SH3TC1: variants seen among roughly 807,000 people sequenced by gnomAD.
The protein encoded by SH3TC1 is SH3 domain and tetratricopeptide repeats 1, also known as SH3 domain and tetratricopeptide repeat-containing protein 1.
In SH3TC1, 135 loss-of-function variants were observed where a neutral mutation model predicts 117.3. The observed-to-expected ratio is 1.15, with a 90% CI of 1.00 to 1.33. The LOEUF (loss-of-function observed/expected upper bound fraction) is 1.33. Ranked by LOEUF, SH3TC1 falls within the 40% of genes most tolerant of loss-of-function variation. The pLI is 0.00. For synonymous variants in SH3TC1, 898 were observed against 816.9 expected (o/e 1.10, Z -1.69); for missense variants, 2,092 against 1,794.3 (o/e 1.17, Z -3.00).
rs76933862 is a variant in SH3TC1, at chr4:8,190,569, C to T, written c.-57+8359C>T. Among the ~76,000 whole-genome samples the T allele has an allele frequency of 5.2e-3, 796 of 152,214 alleles. 9 individuals are homozygous for T. The highest frequency in any genetic ancestry group is 0.018 in the African/African-American group (760 of 41,524). On this transcript the variant is annotated intron_variant, in intron 1 of 16. Transcript: ENST00000508641. The surrounding 1 kb of genome is among the most constrained non-coding windows in gnomAD (Gnocchi z 4.7). ...CTCATCTGGGACCTTCTCCTCTGTGCACTCTCTCGGTCACCCACACCCCAC... is the reference window on the plus strand; with the variant it reads ...CTCATCTGGGACCTTCTCCTCTGTGTACTCTCTCGGTCACCCACACCCCAC...
Position 8,225,949 on chromosome 4 carries a change from A to G in SH3TC1, c.1285+733A>G, listed in dbSNP as rs1176709860. On this transcript the variant is annotated intron_variant, in intron 11 of 17. Coordinates refer to ENST00000245105, the MANE Select transcript of SH3TC1 (RefSeq NM_018986.5). The surrounding 1 kb of genome is among the most constrained non-coding windows in gnomAD (Gnocchi z 5.5). Reference sequence around the variant, plus strand: ...ATGCGAGTGACTCCAGCTGCCCCCAAGGCCAGGGTAATAGCTGGGAGGGGC... The same window carrying G: ...ATGCGAGTGACTCCAGCTGCCCCCAGGGCCAGGGTAATAGCTGGGAGGGGC... 6.6e-6 allele frequency among the ~76,000 whole-genome samples: 1 copy of G among 152,070 alleles called. No individual in the cohort carries two copies. Among genetic ancestry groups the G allele is most frequent in the Middle Eastern group, 3.2e-3 (1 of 316 alleles).
chr4:8,234,347 C>T (rs1578747749), intron 14 of SH3TC1, among the ~76,000 whole-genome samples: 1 of 147,350 alleles, frequency 6.8e-6, no homozygotes, highest in African/African-American at 2.5e-5. Flanking sequence ...TCTGTCTGTC[C>T]ATTTGTTTAT....
At chr4:8,216,817 G>A (rs1578687913) in intron 6 of SH3TC1, 140 bp from the exon 7 acceptor site, 2 of 796,344 alleles carry the variant, frequency 2.5e-6, no homozygotes, top group East Asian at 2.6e-5. Context: ...GAGCCCCTTT[G>A]GGTCTCTGTG....
chr4:8,214,298 C>A (rs571024366), intron 4 of SH3TC1, among the ~76,000 whole-genome samples, 177 bp from the exon 5 acceptor site: 68 of 152,278 alleles, frequency 4.5e-4, no homozygotes, highest in African/African-American at 1.6e-3. Context: ...TGGGGAGCCA[C>A]GGCTGGCTTG....
chr4:8,227,199 T>C lies in SH3TC1; in HGVS notation c.1505T>C (p.Leu502Pro). 2 of 1,568,204 alleles carry C rather than the reference T, an allele frequency of 1.3e-6. No individual in the cohort carries two copies. Among genetic ancestry groups the C allele is most frequent in the Non-Finnish European group, 1.7e-6 (2 of 1,154,286 alleles). Residue 502 changes from leucine (L) to proline (P), a missense_variant, in exon 12 of 18, where the codon CTG becomes CCG. Leu to Pro is a moderately conservative substitution (Grantham distance 98). Coordinates refer to ENST00000245105, the MANE Select transcript of SH3TC1 (RefSeq NM_018986.5). ...GAGGACCCAGAGGCCCTGAGCTCAC[T>C]GCTGCTGTTCCTGAACGCCCCTGGG... ...DWEDPEALSS[L>P]LLFLNAPGYK...
At chr4:8,235,810 C>A in intron 15 of SH3TC1, 1 of 411,122 alleles carries the variant, frequency 2.4e-6, no homozygotes, top group Non-Finnish European at 4.3e-6. Flanking sequence ...GAAGTCCTGT[C>A]CCCATCTTAC....
chr4:8,227,002 C>A lies in SH3TC1; in HGVS notation c.1308C>A (p.Ser436Arg). The A allele has an allele frequency of 6.4e-7, 1 of 1,554,578 alleles. No homozygotes were observed. Among genetic ancestry groups the A allele is most frequent in the Non-Finnish European group, 8.7e-7 (1 of 1,149,710 alleles). Residue 436 changes from serine to arginine, a missense_variant, in exon 12 of 18, where the codon AGC (serine) becomes AGA (arginine). By Grantham distance (110) the Ser-to-Arg change is moderately radical. Transcript: ENST00000245105. ...QEKEIPPPCLSLEPQETLQKV... is the reference protein window; with the variant it reads ...QEKEIPPPCLRLEPQETLQKV... The stretch of plus-strand genomic sequence containing the variant: ...CAGAAATACCTCCACCTTGCCTGAG[C>A]CTGGAGCCACAGGAGACCTTGCAGA...
chr4:8,236,303 C>A lies in SH3TC1; in HGVS notation c.3431C>A (p.Thr1144Asn), dbSNP rs778769674. Reference sequence around the variant, plus strand: ...GACCGGGCCCTGCCCCTGGCAGTGACTACGGGCAACCGCAAGGCGGAGCTG... The same window carrying A: ...GACCGGGCCCTGCCCCTGGCAGTGAATACGGGCAACCGCAAGGCGGAGCTG... ...YRDRALPLAV[T>N]TGNRKAELRL... is the part of the protein sequence containing the mutation. Residue 1144 changes from threonine (T) to asparagine (N), a missense_variant, in exon 16 of 18, where the codon ACT (threonine) becomes AAT (asparagine). Transcript: ENST00000245105. 6.4e-7 allele frequency: 1 copy of A among 1,556,138 alleles called. No individual in the cohort carries two copies. Among genetic ancestry groups the A allele is most frequent in the Admixed American group, 1.9e-5 (1 of 52,154 alleles).
At chr4:8,226,850 G>A (rs1453365262) in intron 11 of SH3TC1, 130 bp from the exon 12 acceptor site, 4 of 572,956 alleles carry the variant, frequency 7.0e-6, no homozygotes, top group African/African-American at 3.8e-5. Flanking sequence ...ATGGCAAGCC[G>A]GTAGGGTGGT....
At position 8,225,872 on chromosome 4, in the gene SH3TC1, G is replaced by A. The variant is rs1001820139; in HGVS notation, c.1285+656G>A. Reference sequence around the variant, plus strand: ...AGTGGGGAAGGGAAGGCTGTTGTAGGTTTTCCTGGGGGAGGGGGTGGATCC... The same window carrying A: ...AGTGGGGAAGGGAAGGCTGTTGTAGATTTTCCTGGGGGAGGGGGTGGATCC... On this transcript the variant is annotated intron_variant, in intron 11 of 17. Transcript: ENST00000245105. This position sits in a 1 kb window ranked among gnomAD's most constrained non-coding sequence, Gnocchi z 5.5. 2.0e-5 allele frequency among the ~76,000 whole-genome samples: 3 copies of A among 152,106 alleles called. No homozygotes were observed. The highest frequency in any genetic ancestry group is 1.9e-4 in the East Asian group (1 of 5,174).
At chr4:8,213,888 GAAA>G (rs57544974) in intron 4 of SH3TC1, among the ~76,000 whole-genome samples, 5 of 140,672 alleles carry the variant, frequency 3.6e-5, no homozygotes, top group East Asian at 2.0e-4. Flanking sequence ...CTCATCTCTG[GAAA>G]AAAAAAAAAA....
At chr4:8,236,519 G>A (rs1006613379) in intron 16 of SH3TC1, 91 bp downstream of exon 16, 9 of 1,398,130 alleles carry the variant, frequency 6.4e-6, no homozygotes, top group African/African-American at 1.5e-5. Flanking sequence ...AACAGCTGCC[G>A]GATTTTCCTG....
rs376461432 is a variant in SH3TC1, at chr4:8,232,681, C to T, written c.3131+525C>T. The T allele has an allele frequency of 9.3e-6, 12 of 1,291,142 alleles. No homozygotes were observed. The African/African-American group carries it at 1.8e-4, about 20-fold the overall frequency. 80.0% of individuals were successfully genotyped at this position (1,291,142 alleles called of 1,614,324 possible). A position where few individuals can be genotyped will look rare whatever the true frequency, so the allele number is the denominator to read the frequency against. On this transcript the variant is annotated intron_variant, in intron 13 of 17. Coordinates refer to ENST00000245105, the MANE Select transcript of SH3TC1 (RefSeq NM_018986.5). ...GAGCATCCTGACCTGGTGGGGTAACCATGGCCCTGGCCACCCCACCCACAG... is the reference window on the plus strand; with the variant it reads ...GAGCATCCTGACCTGGTGGGGTAACTATGGCCCTGGCCACCCCACCCACAG...
intron 3 of SH3TC1, among the ~76,000 whole-genome samples, chr4:8,211,965 G>A (rs1351936418): frequency 2.6e-5 from 4 of 152,248 alleles, no homozygotes; most frequent in African/African-American, 9.6e-5. Flanking sequence ...GGACAGACAG[G>A]AGGGAGGGCC....
chr4:8,224,526 C>G (rs1266589493), intron 10 of SH3TC1: 1 of 152,384 alleles, frequency 6.6e-6, no homozygotes, highest in African/African-American at 2.4e-5. Context: ...GCAGGGTGCT[C>G]CCCAGAACTG....
chr4:8,237,623 G>C lies in SH3TC1; in HGVS notation c.3706G>C (p.Val1236Leu). 1 of 1,611,812 alleles carries C rather than the reference G, an allele frequency of 6.2e-7. No individual in the cohort carries two copies. Among genetic ancestry groups the C allele is most frequent in the East Asian group, 2.2e-5 (1 of 44,748 alleles). Residue 1236 changes from valine to leucine, a missense_variant, in exon 17 of 18, where the codon GTG becomes CTG. Coordinates refer to ENST00000245105, the MANE Select transcript of SH3TC1 (RefSeq NM_018986.5). ...GTTTGACGAGGAGACCCTCTACTAC[G>C]TGAAGGTGTACCTGGTGCTCGGTGA... ...LEFDEETLYY[V>L]KVYLVLGDII...
At chr4:8,207,153 T>C (rs1718282920) in intron 2 of SH3TC1, among the ~76,000 whole-genome samples, 2 of 152,058 alleles carry the variant, frequency 1.3e-5, no homozygotes, top group Admixed American at 6.6e-5. Flanking sequence ...AGGTACCTTT[T>C]AATCTGGAGG....
chr4:8,200,412 C>T (rs919951024), intron 1 of SH3TC1, among the ~76,000 whole-genome samples: 16 of 152,166 alleles, frequency 1.1e-4, no homozygotes, highest in African/African-American at 3.6e-4. Flanking sequence ...ATGGCTCATC[C>T]GTGAAAGGGG....
rs1271080120 is a variant in SH3TC1 at position 8,186,698 on chromosome 4, C to T, written c.-57+4488C>T. ...GTGGCTCACGCCTGTAATCCCAGCA[C>T]TTTGGGAGATGGAGGTGGGTAGATC... On this transcript the variant is annotated intron_variant, in intron 1 of 16. Coordinates refer to the SH3TC1 transcript ENST00000508641. The surrounding 1 kb of genome is among the most constrained non-coding windows in gnomAD (Gnocchi z 5.2). 6.6e-6 allele frequency among the ~76,000 whole-genome samples: 1 copy of T among 152,146 alleles called. No homozygotes were observed. Among genetic ancestry groups the T allele is most frequent in the Non-Finnish European group, 1.5e-5 (1 of 68,024 alleles).
Sources: allele counts gnomAD v4.1 joint callset (sites outside exome capture counted in the v4.1 genomes callset), GRCh38; gene constraint gnomAD v4.1.1; non-coding constraint Gnocchi (gnomAD v3.1); transcripts MANE v1.5; gene names NCBI Gene and HGNC (gene_info 2026-07-23, HGNC 2026-07-21).